Variants in VOPP1 observed in about 807,000 individuals in gnomAD.
VOPP1 encodes the protein VOPP1 WW domain binding protein.
Under a neutral mutation model 23.5 loss-of-function variants are expected in VOPP1, and 8 were observed. The ratio of observed to expected loss-of-function variants is 0.34; its 90% CI spans 0.20 to 0.61. The LOEUF is 0.61. Ranked by LOEUF, VOPP1 falls within the 20% of genes least tolerant of loss-of-function variation. VOPP1 has a pLI of 0.78. For missense variants in VOPP1, 174 were observed against 238.1 expected, an observed-to-expected ratio of 0.73 and a Z score of 1.77; for synonymous variants, 83 against 97.3, an observed-to-expected ratio of 0.85 and a Z score of 0.86.
chr7:55,522,740 C>T (rs1182162821), intron 1 of VOPP1, among the ~76,000 whole-genome samples: 1 of 152,188 alleles, frequency 6.6e-6, no homozygotes, highest in Non-Finnish European at 1.5e-5. Flanking sequence ...GGCTGCTCCG[C>T]AGAGACAGGC....
chr7:55,473,188 G>A, intron 4 of VOPP1, 143 bp from the exon 5 acceptor site: 2 of 1,313,448 alleles, frequency 1.5e-6, no homozygotes, highest in South Asian at 1.8e-5. Flanking sequence ...CCGGTGAGGG[G>A]GCACCTGGGC....
chr7:55,449,882 G>T (rs2129001365), intron 4 of VOPP1, among the ~76,000 whole-genome samples: 1 of 152,316 alleles, frequency 6.6e-6, no homozygotes, highest in Middle Eastern at 3.4e-3. Context: ...ACTGGTGCCA[G>T]AGGTCCCAGA....
At chr7:55,570,465 T>A (rs1055829797) in intron 1 of VOPP1, among the ~76,000 whole-genome samples, 2 of 152,200 alleles carry the variant, frequency 1.3e-5, no homozygotes, top group Non-Finnish European at 2.9e-5. Context: ...AGACATGATC[T>A]GAACTCCTAT....
chr7:55,569,203 T>G (rs544450175), intron 1 of VOPP1, among the ~76,000 whole-genome samples: 239 of 152,312 alleles, frequency 1.6e-3, no homozygotes, highest in African/African-American at 5.4e-3. Context: ...TGCTGTCAGC[T>G]GCTGCCGGTT....
intron 1 of VOPP1, chr7:55,552,749 G>C (rs1797663155): frequency 6.5e-7 from 1 of 1,533,770 alleles, no homozygotes; most frequent in African/African-American, 1.4e-5. Context: ...CCGGCACACG[G>C]AGTTCACGCA....
chr7:55,546,923 T>A (rs1797389041), intron 1 of VOPP1, among the ~76,000 whole-genome samples: 1 of 152,224 alleles, frequency 6.6e-6, no homozygotes, highest in East Asian at 1.9e-4. Flanking sequence ...ACAGGCCTTG[T>A]CCCCAGTGCC....
In VOPP1 at chr7:55,539,899, G is replaced by GCACACACACACACA. The variant is rs60831624; in HGVS notation, c.55-18783_55-18770dup. Among the ~76,000 whole-genome samples, 35 of 139,324 alleles carry GCACACACACACACA rather than the reference G, an allele frequency of 2.5e-4. 1 individual carries two copies. The highest frequency in any genetic ancestry group is 1.2e-3 in the South Asian group (5 of 4,064). The allele number at this position is 139,324 out of a possible 152,430, so 91.4% of individuals were successfully genotyped here. On this transcript the variant is annotated intron_variant, in intron 1 of 4. Transcript: ENST00000285279. Reference sequence around the variant, plus strand: ...CAAACGGGCGCATAACATAAGCGCTGCACACACACACACACACACACACAC... The same window carrying GCACACACACACACA: ...CAAACGGGCGCATAACATAAGCGCTGCACACACACACACACACACACACACACACACACACACAC...
intron 4 of VOPP1, among the ~76,000 whole-genome samples, chr7:55,491,312 T>G (rs965449755): frequency 6.6e-6 from 1 of 152,260 alleles, no homozygotes; most frequent in African/African-American, 2.4e-5. Context: ...CACTGTACAA[T>G]AGATCTCTAG....
At chr7:55,549,121 G>A (rs1797491009) in intron 1 of VOPP1, among the ~76,000 whole-genome samples, 1 of 152,182 alleles carries the variant, frequency 6.6e-6, no homozygotes, top group Admixed American at 6.5e-5. Flanking sequence ...ACAATGGGCA[G>A]TCCAGGCAGC....
At chr7:55,503,741 C>CT (rs551632875) in intron 2 of VOPP1, among the ~76,000 whole-genome samples, 104 of 152,262 alleles carry the variant, frequency 6.8e-4, no homozygotes, top group South Asian at 3.3e-3. Flanking sequence ...GCTCCACTCC[C>CT]CACCACGTGA....
intron 1 of VOPP1, chr7:55,537,676 T>C: frequency 2.0e-6 from 3 of 1,479,868 alleles, no homozygotes; most frequent in South Asian, 1.3e-5. Context: ...TCCTCCTCTG[T>C]TGAGTGGTGA....
intron 2 of VOPP1, among the ~76,000 whole-genome samples, chr7:55,498,487 G>A (rs1794138435): frequency 1.3e-5 from 2 of 152,056 alleles, no homozygotes; most frequent in Non-Finnish European, 1.5e-5. Context: ...TCCCTGCCCT[G>A]CCCCAACCCC....
chr7:55,557,586 C>A (rs1584118024), intron 1 of VOPP1, among the ~76,000 whole-genome samples: 2 of 152,114 alleles, frequency 1.3e-5, no homozygotes, highest in Non-Finnish European at 2.9e-5. Flanking sequence ...ACCCATCTAA[C>A]ACCAACCCCA....
chr7:55,473,118 G>A lies in VOPP1; in HGVS notation c.329-73C>T, dbSNP rs565538120. The A allele has an allele frequency of 6.5e-6, 10 of 1,538,312 alleles. No individual in the cohort carries two copies. The East Asian group carries it at 2.5e-4, about 39-fold the overall frequency. On this transcript the variant is annotated intron_variant, in intron 4 of 4. Transcript: ENST00000285279. ...ACACCGCAAGTATGTGCAGGCTGCAGGGCCAGCAGACCACGCCCCGTCATT... is the reference window on the plus strand; with the variant it reads ...ACACCGCAAGTATGTGCAGGCTGCAAGGCCAGCAGACCACGCCCCGTCATT...
chr7:55,483,067 T>G lies in VOPP1; in HGVS notation c.328+9215A>C, dbSNP rs1792862560. ...GACGAGCACTAACTTTCACTCCGGCTCTGCAGAGTTCACAGGTGCTCACGC... is the reference window on the plus strand; with the variant it reads ...GACGAGCACTAACTTTCACTCCGGCGCTGCAGAGTTCACAGGTGCTCACGC... On this transcript the variant is annotated intron_variant, in intron 4 of 4. Transcript: ENST00000285279. Among the ~76,000 whole-genome samples, 8 of 152,200 alleles carry G rather than the reference T, an allele frequency of 5.3e-5. No individual in the cohort carries two copies. In the South Asian group the frequency reaches 1.7e-3, roughly 32 times the overall value.
intron 4 of VOPP1, among the ~76,000 whole-genome samples, chr7:55,480,406 TA>T (rs1321679021): frequency 6.6e-6 from 1 of 152,248 alleles, no homozygotes; most frequent in Non-Finnish European, 1.5e-5. Context: ...TTTGAATCTG[TA>T]GTGTTTTAAT....
At chr7:55,443,006 C>T (rs1791005107) in intron 4 of VOPP1, among the ~76,000 whole-genome samples, 1 of 151,938 alleles carries the variant, frequency 6.6e-6, no homozygotes, top group African/African-American at 2.4e-5. Flanking sequence ...GTAGTCCCAG[C>T]TACTCAGGAG....
At chr7:55,564,194 G>A (rs1798078512) in intron 1 of VOPP1, among the ~76,000 whole-genome samples, 1 of 149,758 alleles carries the variant, frequency 6.7e-6, no homozygotes, top group Admixed American at 6.7e-5. Flanking sequence ...TAGGAACTAG[G>A]AGCTTCTTCA....
At chr7:55,505,947 A>T (rs1794694336) in intron 2 of VOPP1, among the ~76,000 whole-genome samples, 1 of 152,222 alleles carries the variant, frequency 6.6e-6, no homozygotes, top group South Asian at 2.1e-4. Flanking sequence ...ACAGTGTCAG[A>T]TCACTGATGC....
Sources: allele counts gnomAD v4.1 joint callset (sites outside exome capture counted in the v4.1 genomes callset), GRCh38; gene constraint gnomAD v4.1.1; transcripts MANE v1.5; gene names NCBI Gene and HGNC (gene_info 2026-07-23, HGNC 2026-07-21).